DGKH: variants seen among roughly 807,000 people sequenced by gnomAD.
The protein encoded by DGKH is diacylglycerol kinase eta, also known as DAG kinase eta.
A neutral mutation model predicts 159.3 loss-of-function variants in DGKH; 90 were observed. The observed-to-expected ratio is 0.57, with a 90% CI of 0.48 to 0.67. The LOEUF (loss-of-function observed/expected upper bound fraction) is 0.67. Ranked by LOEUF, DGKH falls within the 30% of genes least tolerant of loss-of-function variation. The pLI is 0.00. For missense variants in DGKH, 1,181 were observed against 1,506.1 expected, an observed-to-expected ratio of 0.78 and a Z score of 3.57; for synonymous variants, 536 against 553.8, an observed-to-expected ratio of 0.97 and a Z score of 0.45.
At chr13:42,206,323 T>C (rs1173945619) in intron 21 of DGKH, among the ~76,000 whole-genome samples, 177 bp downstream of exon 21, 1 of 152,364 alleles carries the variant, frequency 6.6e-6, no homozygotes. Context: ...CTCTTGTGGA[T>C]GTACTCCAAC....
At chr13:42,211,071 C>T (rs1468996468) in intron 24 of DGKH, among the ~76,000 whole-genome samples, 1 of 152,068 alleles carries the variant, frequency 6.6e-6, no homozygotes, top group African/African-American at 2.4e-5. Flanking sequence ...CTTCAAAAAC[C>T]AATTTCTGAC....
At chr13:42,121,205 A>C (rs1594055476) in intron 1 of DGKH, among the ~76,000 whole-genome samples, 1 of 152,268 alleles carries the variant, frequency 6.6e-6, no homozygotes, top group East Asian at 1.9e-4. Flanking sequence ...TACAAAACGT[A>C]CTTTGAGTTC....
chr13:42,060,763 T>C (rs1725207084), intron 1 of DGKH, among the ~76,000 whole-genome samples: 1 of 152,186 alleles, frequency 6.6e-6, no homozygotes, highest in Admixed American at 6.5e-5. Flanking sequence ...ATATCTTAGA[T>C]CTTATTTAAT....
chr13:42,184,149 T>C (rs1169983291), intron 13 of DGKH, among the ~76,000 whole-genome samples: 1 of 152,184 alleles, frequency 6.6e-6, no homozygotes, highest in Non-Finnish European at 1.5e-5. Flanking sequence ...GAGACAAAGA[T>C]AGCTAGAGAT....
intron 1 of DGKH, among the ~76,000 whole-genome samples, chr13:42,061,035 A>G (rs1882121894): frequency 6.6e-6 from 1 of 152,098 alleles, no homozygotes; most frequent in Non-Finnish European, 1.5e-5. Context: ...ATAAAAGAGA[A>G]AGGGAAACAA....
Position 42,229,971 on chromosome 13 carries a change from A to G in DGKH, c.*783A>G, listed in dbSNP as rs1324691200. 6.6e-6 allele frequency: 1 copy of G among 152,168 alleles called. No individual in the cohort carries two copies. 9.4% of individuals were successfully genotyped at this position (152,168 alleles called of 1,614,324 possible). A position where few individuals can be genotyped will look rare whatever the true frequency, so the allele number is the denominator to read the frequency against. On this transcript the variant is annotated 3_prime_UTR_variant, in exon 30 of 30. Transcript: ENST00000337343. ...TTTGTGAAAGTGTGTCTGTGCCATAATCAACAAATGATATACATCACATGC... is the reference window on the plus strand; with the variant it reads ...TTTGTGAAAGTGTGTCTGTGCCATAGTCAACAAATGATATACATCACATGC...
At chr13:42,071,068 A>T in intron 1 of DGKH, 5 of 1,157,300 alleles carry the variant, frequency 4.3e-6, no homozygotes, top group Non-Finnish European at 6.1e-6. Flanking sequence ...ATGAATGTTC[A>T]TGAGACTTTC....
At chr13:42,042,853 C>T (rs904967422) in intron 1 of DGKH, among the ~76,000 whole-genome samples, 3 of 152,058 alleles carry the variant, frequency 2.0e-5, no homozygotes, top group Non-Finnish European at 4.4e-5. Context: ...CCAAGTCCAT[C>T]GAAGAACTAA....
chr13:42,075,375 C>A (rs779433706), intron 1 of DGKH, among the ~76,000 whole-genome samples: 6 of 152,160 alleles, frequency 3.9e-5, no homozygotes, highest in Non-Finnish European at 8.8e-5. Flanking sequence ...ATATTTATTT[C>A]ATCATGAAAG....
intron 14 of DGKH, 95 bp downstream of exon 14, chr13:42,187,243 C>A (rs1022259855): frequency 2.0e-6 from 2 of 980,140 alleles, no homozygotes; most frequent in East Asian, 2.4e-5. Flanking sequence ...GGTTTTCCTG[C>A]CAAAACATCT....
rs201059071 is a variant in DGKH at position 42,103,391 on chromosome 13, CTTG to C, written c.193-24067_193-24065del. ...TTATTATCTACATTATATGAGGACT[CTTG>C]TTGTATTTTATTTGTTAGGATGCTG... On this transcript the variant is annotated intron_variant, in intron 1 of 29. Coordinates refer to ENST00000337343, the MANE Select transcript of DGKH (RefSeq NM_178009.5). Among the ~76,000 whole-genome samples the C allele has an allele frequency of 1.6e-3, 237 of 152,232 alleles. 3 individuals carry two copies. In the East Asian group the frequency reaches 0.036, roughly 23 times the overall value.
intron 1 of DGKH, among the ~76,000 whole-genome samples, chr13:42,042,602 T>G (rs955087403): frequency 3.3e-5 from 5 of 152,236 alleles, no homozygotes; most frequent in Non-Finnish European, 5.9e-5. Flanking sequence ...CTGCACCTAT[T>G]TTCATTCCGC....
intron 8 of DGKH, among the ~76,000 whole-genome samples, chr13:42,166,231 TC>T (rs1956311278): frequency 6.6e-6 from 1 of 152,050 alleles, no homozygotes; most frequent in African/African-American, 2.4e-5. Flanking sequence ...AACAGCCCTC[TC>T]CCCCAACCTA....
At chr13:42,057,572 A>G (rs1337667034) in intron 1 of DGKH, among the ~76,000 whole-genome samples, 3 of 152,206 alleles carry the variant, frequency 2.0e-5, no homozygotes, top group Non-Finnish European at 2.9e-5. Flanking sequence ...AACATTTTCA[A>G]TATCATGCAT....
chr13:42,041,418 A>G (rs1229992549), intron 1 of DGKH, among the ~76,000 whole-genome samples: 1 of 152,168 alleles, frequency 6.6e-6, no homozygotes, highest in Non-Finnish European at 1.5e-5. Context: ...GCCAGCCGCT[A>G]AAGCTTGGGC....
chr13:42,208,946 G>A lies in DGKH; in HGVS notation c.2602-13G>A. 1 of 1,599,138 alleles carries A rather than the reference G, an allele frequency of 6.3e-7. No individual in the cohort carries two copies. The highest frequency in any genetic ancestry group is 1.3e-5 in the African/African-American group (1 of 74,554). ...AAACATTCAGTAGAAGTGTAATGTA[G>A]TTTTTCTTTCAGATATTTGCTGCAC... On this transcript the variant is annotated splice_polypyrimidine_tract_variant and intron_variant, in intron 21 of 29. Transcript: ENST00000337343.
In DGKH at chr13:42,174,136, G is replaced by C. The variant is rs1259866153; in HGVS notation, c.1444G>C (p.Glu482Gln). ...TCCAGGACCTCCAGAAGCATCTGAA[G>C]AATTTTATGTAAGACTTAACCCTTT... ...LLPGPPEASE[E>Q]FYMTIYEDSV... The change falls in exon 12 of 30, where the codon GAA becomes CAA. Residue 482 changes from glutamate to glutamine, a missense_variant. Glu to Gln is a conservative substitution (Grantham distance 29). Coordinates refer to ENST00000337343, the MANE Select transcript of DGKH (RefSeq NM_178009.5). The C allele has an allele frequency of 6.2e-7, 1 of 1,612,622 alleles. No individual in the cohort carries two copies. Among genetic ancestry groups the C allele is most frequent in the South Asian group, 1.1e-5 (1 of 90,972 alleles).
chr13:42,187,177 G>A (rs372454931), intron 14 of DGKH, 29 bp downstream of exon 14: 11 of 1,560,088 alleles, frequency 7.1e-6, no homozygotes, highest in African/African-American at 1.4e-5. Flanking sequence ...GGGCATGAGA[G>A]TTGTTTATGG....
At chr13:42,199,237 A>G (rs945859984) in intron 18 of DGKH, among the ~76,000 whole-genome samples, 6 of 152,200 alleles carry the variant, frequency 3.9e-5, no homozygotes, top group African/African-American at 1.4e-4. Context: ...TTGGCACCTG[A>G]CTGTAAAGCC....
Sources: allele counts gnomAD v4.1 joint callset (sites outside exome capture counted in the v4.1 genomes callset), GRCh38; gene constraint gnomAD v4.1.1; transcripts MANE v1.5; gene names NCBI Gene and HGNC (gene_info 2026-07-23, HGNC 2026-07-21).